Variants in C6orf132 observed in about 807,000 individuals in gnomAD.
The protein encoded by C6orf132 is uncharacterized protein C6orf132.
Under a neutral mutation model 65.3 loss-of-function variants are expected in C6orf132, and 43 were observed. The observed-to-expected ratio is 0.66, with a 90% CI of 0.52 to 0.85. The LOEUF (loss-of-function observed/expected upper bound fraction) is 0.85, where lower values mean the gene tolerates loss of function less well. Among genes scored for constraint, C6orf132 ranks in the 40% least tolerant of loss-of-function variants. The pLI, the probability that C6orf132 is intolerant of heterozygous loss-of-function variation, is 0.00. For synonymous variants in C6orf132, 631 were observed against 654.1 expected (o/e 0.96, Z 0.54); for missense variants, 1,488 against 1,548.8 (o/e 0.96, Z 0.66).
intron 2 of C6orf132, among the ~76,000 whole-genome samples, chr6:42,118,756 C>T (rs1766625982): frequency 6.6e-6 from 1 of 152,118 alleles, no homozygotes; most frequent in African/African-American, 2.4e-5. Flanking sequence ...GGCCTCAGCA[C>T]TTCCTCGTCC....
chr6:42,110,205 G>A lies in C6orf132; in HGVS notation c.328+11C>T, dbSNP rs1436058578. 6.4e-5 allele frequency: 99 copies of A among 1,545,468 alleles called. No individual in the cohort carries two copies. Among genetic ancestry groups the A allele is most frequent in the Non-Finnish European group, 8.7e-5 (99 of 1,143,928 alleles). On this transcript the variant is annotated intron_variant, in intron 3 of 4. Transcript: ENST00000341865. ...AAAGATGGACAAGCCCCAAGCCCAGGGTTCACTTACCTGTCACTTCTTTGT... is the reference window on the plus strand; with the variant it reads ...AAAGATGGACAAGCCCCAAGCCCAGAGTTCACTTACCTGTCACTTCTTTGT...
intron 2 of C6orf132, among the ~76,000 whole-genome samples, chr6:42,123,286 G>T (rs1029691914): frequency 6.6e-6 from 1 of 152,116 alleles, no homozygotes. Context: ...GGGAGGCTGA[G>T]GCAGGAGAAT....
chr6:42,131,763 A>G (rs1465884904), intron 1 of C6orf132, among the ~76,000 whole-genome samples: 2 of 152,168 alleles, frequency 1.3e-5, no homozygotes, highest in Non-Finnish European at 2.9e-5. Flanking sequence ...ACTCTGAGCC[A>G]TTGTTGTTTT....
intron 2 of C6orf132, among the ~76,000 whole-genome samples, chr6:42,123,451 A>G (rs995004212): frequency 1.1e-4 from 5 of 44,934 alleles, no homozygotes; most frequent in African/African-American, 6.3e-4. Context: ...GAAGAAGGAG[A>G]AGAAGGAGAA....
intron 2 of C6orf132, among the ~76,000 whole-genome samples, chr6:42,116,576 G>A (rs1341808233): frequency 6.6e-6 from 1 of 152,084 alleles, no homozygotes; most frequent in Non-Finnish European, 1.5e-5. Flanking sequence ...AAGCTGCCAC[G>A]GGGATATTCT....
In C6orf132 at chr6:42,106,275, A is replaced by G. The variant is rs1562033114; in HGVS notation, c.1637T>C (p.Leu546Pro). 1.3e-6 allele frequency: 2 copies of G among 1,536,938 alleles called. No individual in the cohort carries two copies. The highest frequency in any genetic ancestry group is 2.4e-5 in the South Asian group (2 of 84,064). ...AATGTAGTCCACAGAGGGCAGGGTC[A>G]GGCTGGGGGCAGCCTCTGTCTCTGT... ...SLTETEAAPS[L>P]TLPSVDYIPQ... The change falls in exon 4 of 5, where the codon CTG becomes CCG. Residue 546 changes from leucine (L) to proline (P), a missense_variant. Physicochemically the swap from Leu to Pro is moderately conservative, Grantham distance 98 (BLOSUM62 -3). Transcript: ENST00000341865.
Position 42,106,243 on chromosome 6 carries a change from C to T in C6orf132, c.1669G>A (p.Asp557Asn), listed in dbSNP as rs984462145. 1.3e-6 allele frequency: 2 copies of T among 1,537,188 alleles called. No individual in the cohort carries two copies. Among genetic ancestry groups the T allele is most frequent in the South Asian group, 1.2e-5 (1 of 84,060 alleles). ...TGCCGCACACTGGGAGTTGGAGAGTCTTGGGGAATGTAGTCCACAGAGGGC... is the reference window on the plus strand; with the variant it reads ...TGCCGCACACTGGGAGTTGGAGAGTTTTGGGGAATGTAGTCCACAGAGGGC... ...TLPSVDYIPQ[D>N]SPTPSVRQIR... The change falls in exon 4 of 5, where the codon GAC (aspartate) becomes AAC (asparagine). Residue 557 changes from aspartate (D) to asparagine (N), a missense_variant. Asp to Asn is a conservative substitution (Grantham distance 23, BLOSUM62 1). Transcript: ENST00000341865.
chr6:42,137,785 A>G (rs984663117), intron 1 of C6orf132, among the ~76,000 whole-genome samples: 84 of 137,886 alleles, frequency 6.1e-4, no homozygotes, highest in Admixed American at 4.9e-3. Context: ...ACGCCTGTAA[A>G]TCCCAGCACT....
chr6:42,119,376 A>C (rs1204799172), intron 2 of C6orf132, among the ~76,000 whole-genome samples: 1 of 99,902 alleles, frequency 1.0e-5, no homozygotes, highest in Admixed American at 1.5e-4. Flanking sequence ...ACAGAGTCTC[A>C]CTCTGTTGCC....
At chr6:42,142,187 T>G in intron 1 of C6orf132, 113 bp downstream of exon 1, 1 of 1,248,058 alleles carries the variant, frequency 8.0e-7, no homozygotes, top group Non-Finnish European at 1.1e-6. Flanking sequence ...TCTCGGCCAG[T>G]CCGCAGGTTC....
chr6:42,141,233 A>G (rs1268568105), intron 1 of C6orf132, among the ~76,000 whole-genome samples: 1 of 152,156 alleles, frequency 6.6e-6, no homozygotes, highest in Non-Finnish European at 1.5e-5. Context: ...ACTGAGTCCA[A>G]CAGCAGGCAC....
chr6:42,133,410 A>G (rs6938863), intron 1 of C6orf132, among the ~76,000 whole-genome samples: 9,029 of 152,252 alleles, frequency 0.059, 909 homozygotes, highest in African/African-American at 0.2. Flanking sequence ...CAGAGGTTTT[A>G]TGCTTGCCAC....
In C6orf132 at chr6:42,106,626, C is replaced by G; in HGVS notation, c.1286G>C (p.Gly429Ala). The G allele has an allele frequency of 6.5e-7, 1 of 1,533,822 alleles. No individual in the cohort carries two copies. The highest frequency in any genetic ancestry group is 1.4e-5 in the African/African-American group (1 of 72,292). ...CAQKAAHPPAGFTKTPKSSSP... is the reference protein window; with the variant it reads ...CAQKAAHPPAAFTKTPKSSSP... Reference sequence around the variant, plus strand: ...GCTGGATTTAGGGGTTTTTGTAAACCCAGCAGGTGGATGGGCTGCCTTCTG... The same window carrying G: ...GCTGGATTTAGGGGTTTTTGTAAACGCAGCAGGTGGATGGGCTGCCTTCTG... Residue 429 changes from glycine (G) to alanine (A), a missense_variant, in exon 4 of 5, where the codon GGG becomes GCG. Gly to Ala is a moderately conservative substitution (Grantham distance 60). Transcript: ENST00000341865.
chr6:42,106,132 G>T lies in C6orf132; in HGVS notation c.1780C>A (p.Arg594=). 6.5e-7 allele frequency: 1 copy of T among 1,537,238 alleles called. No individual in the cohort carries two copies. ...TCACAAATTCTTCCCCCTTCTAGCC[G>T]AGGCTTAGGGGGCAGAGATCCTATG... The part of the protein sequence containing the change: ...PSIGSLPPKP[R]LEGGRICENG... Residue 594 remains arginine, a synonymous_variant, in exon 4 of 5, where the codon CGG becomes AGG. Coordinates refer to ENST00000341865, the MANE Select transcript of C6orf132 (RefSeq NM_001164446.3).
intron 2 of C6orf132, among the ~76,000 whole-genome samples, chr6:42,117,923 C>CAAAAAAAAAAAAAAAAAAAAAAA (rs556142891): frequency 1.6e-5 from 1 of 62,320 alleles, no homozygotes; most frequent in African/African-American, 6.0e-5. Flanking sequence ...AACCCTGTCA[C>CAAAAAAAAAAAAAAAAAAAAAAA]AAAAAAAAAA....
chr6:42,115,095 T>C (rs1372415278), intron 2 of C6orf132, among the ~76,000 whole-genome samples: 1 of 149,406 alleles, frequency 6.7e-6, no homozygotes, highest in Admixed American at 6.7e-5. Flanking sequence ...GGTCAGGAGT[T>C]GGAGACCAAC....
intron 2 of C6orf132, among the ~76,000 whole-genome samples, chr6:42,119,082 A>G (rs1368214086): frequency 6.8e-6 from 1 of 147,378 alleles, no homozygotes; most frequent in Admixed American, 6.8e-5. Context: ...AAAAAAAAAA[A>G]AAGAAAAAAA....
At chr6:42,125,909 T>TG (rs1421781692) in intron 2 of C6orf132, among the ~76,000 whole-genome samples, 4 of 151,942 alleles carry the variant, frequency 2.6e-5, no homozygotes, top group Non-Finnish European at 5.9e-5. Flanking sequence ...AGCAGATAGC[T>TG]GGGGGGAGAT....
intron 2 of C6orf132, among the ~76,000 whole-genome samples, chr6:42,114,574 A>T (rs1177899925): frequency 6.6e-6 from 1 of 152,252 alleles, no homozygotes; most frequent in Non-Finnish European, 1.5e-5. Flanking sequence ...GGCAGCTGGC[A>T]TCAAGTGCAC....
Sources: allele counts gnomAD v4.1 joint callset (sites outside exome capture counted in the v4.1 genomes callset), GRCh38; gene constraint gnomAD v4.1.1; transcripts MANE v1.5; gene names NCBI Gene and HGNC (gene_info 2026-07-23, HGNC 2026-07-21).